The following KANSL1 variants were observed in gnomAD, a reference collection of about 807,000 sequenced individuals.
The protein encoded by KANSL1 is MLL1/MLL complex subunit KANSL1.
A neutral mutation model predicts 103.6 loss-of-function variants in KANSL1; 22 were observed. That is an observed-to-expected ratio of 0.21 (90% CI 0.15 to 0.30). KANSL1 has a LOEUF of 0.30. Ranked by LOEUF, KANSL1 falls within the 10% of genes least tolerant of loss-of-function variation. KANSL1 has a pLI of 1.00. For missense variants in KANSL1, 1,337 were observed against 1,399.8 expected (o/e 0.96, Z 0.72); for synonymous variants, 600 against 527.6 (o/e 1.14, Z -1.88).
intron 1 of KANSL1, among the ~76,000 whole-genome samples, chr17:46,218,120 G>T (rs2048398332): frequency 6.6e-6 from 1 of 152,234 alleles, no homozygotes; most frequent in South Asian, 2.1e-4. Context: ...AACAGATCCT[G>T]TCCCAGTTGC....
chr17:46,149,891 G>A (rs570765459), intron 2 of KANSL1, among the ~76,000 whole-genome samples: 82 of 151,784 alleles, frequency 5.4e-4, no homozygotes, highest in African/African-American at 1.8e-3. Flanking sequence ...GTGTGGTGGC[G>A]GGCGCCTGTA....
chr17:46,119,582 C>CAT (rs1405984935), intron 2 of KANSL1, among the ~76,000 whole-genome samples: 1 of 152,222 alleles, frequency 6.6e-6, no homozygotes, highest in Non-Finnish European at 1.5e-5. Flanking sequence ...GCTGGGGATA[C>CAT]AGGCGTGAGC....
At chr17:46,089,594 AG>A (rs2079302690) in intron 3 of KANSL1, among the ~76,000 whole-genome samples, 1 of 150,960 alleles carries the variant, frequency 6.6e-6, no homozygotes, top group Admixed American at 6.6e-5. Context: ...TGTGCAACCC[AG>A]GAAGTGCTGG....
chr17:46,115,431 T>C (rs947231361), intron 2 of KANSL1, among the ~76,000 whole-genome samples: 1 of 135,658 alleles, frequency 7.4e-6, no homozygotes, highest in Non-Finnish European at 1.5e-5. Context: ...GATGAGAAAA[T>C]AGTATAAAGC....
At chr17:46,153,293 T>G (rs1339682747) in intron 2 of KANSL1, among the ~76,000 whole-genome samples, 2 of 152,258 alleles carry the variant, frequency 1.3e-5, no homozygotes, top group Non-Finnish European at 2.9e-5. Context: ...GGAAGAGCCC[T>G]CTTTAAATTT....
At chr17:46,109,014 T>G (rs2042689740) in intron 2 of KANSL1, among the ~76,000 whole-genome samples, 1 of 152,206 alleles carries the variant, frequency 6.6e-6, no homozygotes, top group Non-Finnish European at 1.5e-5. Context: ...AGTGATGCAA[T>G]CATAGCTCAC....
intron 1 of KANSL1, among the ~76,000 whole-genome samples, chr17:46,182,239 C>A (rs990329990): frequency 6.6e-6 from 1 of 152,014 alleles, no homozygotes; most frequent in Non-Finnish European, 1.5e-5. Flanking sequence ...GGAGGAAACA[C>A]GAATCAAAAA....
intron 2 of KANSL1, among the ~76,000 whole-genome samples, chr17:46,133,523 T>C (rs1296158700): frequency 1.5e-4 from 23 of 152,240 alleles, no homozygotes; most frequent in Admixed American, 1.4e-3. Flanking sequence ...CTAGGTAATT[T>C]TGCAACCACA....
chr17:46,032,269 G>T lies in KANSL1; in HGVS notation c.2868C>A (p.Thr956=). The part of the protein sequence containing the change: ...RSYRSSDGRT[T]PQLGSANPST... ...AGGGGTTGGCACTGCCCAGCTGGGG[G>T]GTTGTCCGGCCGTCTGATGACCTGT... is the stretch of plus-strand genomic sequence containing the variant. The change falls in exon 14 of 15, where the codon ACC becomes ACA. Residue 956 remains threonine, a synonymous_variant. Transcript: ENST00000432791. The T allele has an allele frequency of 3.3e-6, 5 of 1,532,590 alleles. No homozygotes were observed. The highest frequency in any genetic ancestry group is 4.4e-6 in the Non-Finnish European group (5 of 1,139,408). 94.9% of individuals were successfully genotyped at this position (1,532,590 alleles called of 1,614,324 possible). A position where few individuals can be genotyped will look rare whatever the true frequency, so the allele number is the denominator to read the frequency against.
chr17:46,039,974 C>A, intron 7 of KANSL1, 90 bp from the exon 8 acceptor site: 9 of 1,215,704 alleles, frequency 7.4e-6, no homozygotes, highest in African/African-American at 1.5e-5. Context: ...TTAATTTGCC[C>A]AGTGGCCTGA....
intron 2 of KANSL1, among the ~76,000 whole-genome samples, chr17:46,098,405 C>T (rs1038407929): frequency 2.6e-5 from 4 of 152,236 alleles, no homozygotes; most frequent in African/African-American, 9.6e-5. Flanking sequence ...TCAATCAACT[C>T]CCCTCACACC....
intron 2 of KANSL1, among the ~76,000 whole-genome samples, chr17:46,135,847 A>T (rs1476134641): frequency 9.9e-5 from 15 of 151,986 alleles, no homozygotes; most frequent in Non-Finnish European, 1.9e-4. Flanking sequence ...GCTATCTTAA[A>T]ATGTCTCAGT....
At chr17:46,047,773 G>C (rs2077563712) in intron 7 of KANSL1, among the ~76,000 whole-genome samples, 3 of 144,002 alleles carry the variant, frequency 2.1e-5, no homozygotes, top group Non-Finnish European at 4.5e-5. Flanking sequence ...AGGGCACCGA[G>C]CAAGACCCTG....
At chr17:46,087,978 G>C (rs1456944371) in intron 3 of KANSL1, among the ~76,000 whole-genome samples, 1 of 152,210 alleles carries the variant, frequency 6.6e-6, no homozygotes, top group Non-Finnish European at 1.5e-5. Flanking sequence ...TTAGCCTGGT[G>C]GCAATAAACT....
intron 1 of KANSL1, among the ~76,000 whole-genome samples, chr17:46,219,625 T>TA (rs1318328725): frequency 6.6e-6 from 1 of 152,250 alleles, no homozygotes; most frequent in African/African-American, 2.4e-5. Context: ...TTCAGCCTCC[T>TA]AAAGTGCTAG....
At chr17:46,197,157 A>G (rs2047639290), upstream of KANSL1, among the ~76,000 whole-genome samples, 1 of 152,136 alleles carries the variant, frequency 6.6e-6, no homozygotes, top group African/African-American at 2.4e-5. Flanking sequence ...AAGAAAGAAA[A>G]AAGGAAAAGG....
rs774375647 is a variant in KANSL1, at chr17:46,066,550, G to C, written c.1835C>G (p.Pro612Arg). The C allele has an allele frequency of 6.8e-6, 11 of 1,611,820 alleles. No individual in the cohort carries two copies. The highest frequency in any genetic ancestry group is 7.6e-6 in the Non-Finnish European group (9 of 1,178,674). ...RRLVRPNSIVPLSKKVHRNST... is the reference protein window; with the variant it reads ...RRLVRPNSIVRLSKKVHRNST... ...ATCTGTACCGACCTTCTTGGAAAGA[G>C]GAACGATGCTGTTGGGTCGAACAAG... is the stretch of plus-strand genomic sequence containing the variant. Residue 612 changes from proline (P) to arginine (R), a missense_variant, in exon 6 of 15, where the codon CCT becomes CGT. By Grantham distance (103) the Pro-to-Arg change is moderately radical (BLOSUM62 -2). Around this residue, in one of 2 missense-constraint regions of KANSL1, gnomAD observed 780 missense variants for 923.4 expected, o/e 0.84. Transcript: ENST00000432791.
In KANSL1 at chr17:46,095,644, A is replaced by G. The variant is rs765487979; in HGVS notation, c.1290-943T>C. ...AATATGAACAGCCAAACTTAAAAGA[A>G]TATCTTCGGGACTTAGAGCAGGGAG... On this transcript the variant is annotated intron_variant, in intron 2 of 14. Coordinates refer to ENST00000432791, the MANE Select transcript of KANSL1 (RefSeq NM_015443.4). 3.3e-5 allele frequency among the ~76,000 whole-genome samples: 5 copies of G among 152,374 alleles called. No individual in the cohort carries two copies. In the East Asian group the frequency reaches 5.8e-4, roughly 18 times the overall value.
chr17:46,127,471 G>T (rs1003779706), intron 2 of KANSL1, among the ~76,000 whole-genome samples: 7 of 152,180 alleles, frequency 4.6e-5, no homozygotes, highest in African/African-American at 1.7e-4. Flanking sequence ...AACAAAAAAA[G>T]AAACAGTTTT....
Sources: allele counts gnomAD v4.1 joint callset (sites outside exome capture counted in the v4.1 genomes callset), GRCh38; gene constraint gnomAD v4.1.1; regional missense constraint gnomAD v4.1.1; transcripts MANE v1.5; gene names NCBI Gene and HGNC (gene_info 2026-07-23, HGNC 2026-07-21).